The following STXBP6 variants were observed in gnomAD, a reference collection of about 807,000 sequenced individuals.
The protein encoded by STXBP6 is syntaxin binding protein 6.
In STXBP6, 21 loss-of-function variants were observed where a neutral mutation model predicts 26.9. The observed-to-expected ratio is 0.78, with a 90% CI of 0.55 to 1.12. The LOEUF (loss-of-function observed/expected upper bound fraction) is 1.12, where lower values mean the gene tolerates loss of function less well. Ranked by LOEUF, STXBP6 falls within the 50% of genes most tolerant of loss-of-function variation. The probability of loss-of-function intolerance (pLI) is 0.00; values close to 1 mark genes in which losing one functional copy is unlikely to be tolerated. For synonymous variants in STXBP6, 97 were observed against 92.6 expected (o/e 1.05, Z -0.27); for missense variants, 232 against 257.9 (o/e 0.90, Z 0.69).
At chr14:24,900,124 T>C (rs998153537) in intron 2 of STXBP6, among the ~76,000 whole-genome samples, 1 of 152,228 alleles carries the variant, frequency 6.6e-6, no homozygotes, top group African/African-American at 2.4e-5. Flanking sequence ...CTTAATTTTG[T>C]TCCTAATATT....
intron 4 of STXBP6, among the ~76,000 whole-genome samples, chr14:24,839,316 T>A (rs1332194384): frequency 6.6e-6 from 1 of 152,182 alleles, no homozygotes; most frequent in East Asian, 1.9e-4. Context: ...GGGTTGTAAC[T>A]AGTAAGTTAT....
intron 4 of STXBP6, among the ~76,000 whole-genome samples, chr14:24,826,740 C>G (rs1189806682): frequency 6.6e-6 from 1 of 152,182 alleles, no homozygotes; most frequent in Non-Finnish European, 1.5e-5. Context: ...CCCCCCGACC[C>G]CTGTCACTTT....
chr14:24,918,661 A>G (rs888619973), intron 2 of STXBP6, among the ~76,000 whole-genome samples: 1 of 152,034 alleles, frequency 6.6e-6, no homozygotes, highest in Non-Finnish European at 1.5e-5. Flanking sequence ...TTAAACACAG[A>G]GACTTAATTA....
At chr14:24,886,136 C>A (rs933028893) in intron 2 of STXBP6, among the ~76,000 whole-genome samples, 1 of 152,068 alleles carries the variant, frequency 6.6e-6, no homozygotes, top group Non-Finnish European at 1.5e-5. Context: ...ATATGACCTG[C>A]GAAACTTCTA....
At chr14:24,858,669 C>T (rs1186462642) in intron 2 of STXBP6, among the ~76,000 whole-genome samples, 1 of 152,100 alleles carries the variant, frequency 6.6e-6, no homozygotes, top group Non-Finnish European at 1.5e-5. Context: ...GCCCAGGACT[C>T]TGTCTATCCA....
At chr14:24,913,594 A>G (rs1392322134) in intron 2 of STXBP6, among the ~76,000 whole-genome samples, 2 of 152,348 alleles carry the variant, frequency 1.3e-5, no homozygotes, top group Middle Eastern at 3.4e-3. Flanking sequence ...ACCCCAGCTC[A>G]GATGTATGCT....
rs1245181983 is a variant in STXBP6 at position 25,050,003 on chromosome 14, T to C, written c.-158A>G. On this transcript the variant is annotated 5_prime_UTR_variant, in exon 1 of 6. Transcript: ENST00000323944. ...CCGGACAAGGCTTAGCCGGCCCGGG[T>C]GCTGGCTCGCCGCCGCTCGCGGCTC... The C allele has an allele frequency of 6.4e-6, 3 of 472,246 alleles. No homozygotes were observed. The highest frequency in any genetic ancestry group is 6.3e-5 in the African/African-American group (3 of 47,356). 29.3% of individuals were successfully genotyped at this position (472,246 alleles called of 1,614,324 possible). A position where few individuals can be genotyped will look rare whatever the true frequency, so the allele number is the denominator to read the frequency against.
chr14:24,907,250 C>T (rs74040708), intron 2 of STXBP6, among the ~76,000 whole-genome samples: 2,297 of 152,200 alleles, frequency 0.015, 48 homozygotes, highest in African/African-American at 0.045. Flanking sequence ...ATATTGTACA[C>T]AGGCATCAAT....
At position 24,830,703 on chromosome 14, in the gene STXBP6, G is replaced by A. The variant is rs530272534; in HGVS notation, c.452-11509C>T. ...TAAGAAGCTCTGCGGAGAAGTCTGG[G>A]GATGGAGATAAAATTTCTAAGTCAT... On this transcript the variant is annotated intron_variant, in intron 4 of 5. Transcript: ENST00000323944. Among the ~76,000 whole-genome samples the A allele has an allele frequency of 2.0e-5, 3 of 152,094 alleles. No homozygotes were observed. In the South Asian group the frequency reaches 6.2e-4, roughly 32 times the overall value.
intron 1 of STXBP6, among the ~76,000 whole-genome samples, chr14:25,001,274 T>G (rs1278201571): frequency 2.6e-5 from 4 of 152,202 alleles, no homozygotes; most frequent in Non-Finnish European, 5.9e-5. Context: ...CACCATCTAA[T>G]GCATAAGACT....
chr14:25,024,321 A>AC (rs1270972918), intron 1 of STXBP6, among the ~76,000 whole-genome samples: 1 of 152,078 alleles, frequency 6.6e-6, no homozygotes, highest in Non-Finnish European at 1.5e-5. Flanking sequence ...AAAAAAAAAA[A>AC]ATTTTGTTTT....
rs184841986 is a variant in STXBP6, at chr14:24,810,095, A to G, written c.*2614T>C. 2 of 152,370 alleles carry G rather than the reference A, an allele frequency of 1.3e-5. No individual in the cohort carries two copies. Among genetic ancestry groups the G allele is most frequent in the Admixed American group, 1.3e-4 (2 of 15,302 alleles). 9.4% of individuals were successfully genotyped at this position (152,370 alleles called of 1,614,324 possible). ...CAGGTATCTAATAATACTAGTGAGAAATACTACAGCTATATTCCAGGAAGA... is the reference window on the plus strand; with the variant it reads ...CAGGTATCTAATAATACTAGTGAGAGATACTACAGCTATATTCCAGGAAGA... On this transcript the variant is annotated 3_prime_UTR_variant, in exon 6 of 6. Coordinates refer to ENST00000323944, the MANE Select transcript of STXBP6 (RefSeq NM_001394410.1).
intron 4 of STXBP6, among the ~76,000 whole-genome samples, chr14:24,820,030 G>A (rs1035263463): frequency 3.3e-5 from 5 of 152,154 alleles, no homozygotes; most frequent in South Asian, 2.1e-4. Context: ...CCCATTTGCC[G>A]GGACTGGGCA....
intron 3 of STXBP6, 57 bp from the exon 4 acceptor site, chr14:24,856,158 G>T: frequency 1.4e-6 from 2 of 1,478,566 alleles, no homozygotes. Flanking sequence ...GCTGTTTCTA[G>T]ATTACTCCTG....
chr14:24,848,534 C>T (rs189758030), intron 4 of STXBP6, among the ~76,000 whole-genome samples: 7 of 152,184 alleles, frequency 4.6e-5, no homozygotes, highest in East Asian at 1.9e-4. Flanking sequence ...AGTACCTTTA[C>T]GTAAGTCTTG....
In STXBP6 at chr14:24,856,244, A is replaced by G. The variant is rs1366238322; in HGVS notation, c.286-143T>C. 2.9e-5 allele frequency: 23 copies of G among 797,034 alleles called. No homozygotes were observed. The East Asian group carries it at 6.5e-4, about 23-fold the overall frequency. The allele number at this position is 797,034 out of a possible 1,614,324, so 49.4% of individuals were successfully genotyped here. A position where few individuals can be genotyped will look rare whatever the true frequency, so the allele number is the denominator to read the frequency against. On this transcript the variant is annotated intron_variant, in intron 3 of 5. Transcript: ENST00000323944. Reference sequence around the variant, plus strand: ...CTCATCTTTATCCAAGTGTATGGAGAGTCTACATTTCTCTGTTTATGAAGC... The same window carrying G: ...CTCATCTTTATCCAAGTGTATGGAGGGTCTACATTTCTCTGTTTATGAAGC...
chr14:25,047,090 G>A (rs1394719081), intron 1 of STXBP6, among the ~76,000 whole-genome samples: 1 of 152,146 alleles, frequency 6.6e-6, no homozygotes, highest in Non-Finnish European at 1.5e-5. Context: ...TTCCCTAGGT[G>A]ATCTATTCTG....
intron 4 of STXBP6, among the ~76,000 whole-genome samples, chr14:24,836,606 C>CAAA (rs71449215): frequency 0.074 from 3,189 of 43,316 alleles, 270 homozygotes; most frequent in African/African-American, 0.12. Flanking sequence ...GACTCCCTCT[C>CAAA]AAAAAAAAAA....
intron 2 of STXBP6, chr14:24,878,613 CTTAT>C (rs981254591): frequency 2.8e-5 from 5 of 179,886 alleles, no homozygotes; most frequent in East Asian, 1.4e-4. Context: ...ATAACCTTTT[CTTAT>C]TTATTTATTT....
Sources: gnomAD v4.1 joint callset for allele counts (sites outside exome capture counted in the v4.1 genomes callset) on GRCh38, gnomAD v4.1.1 for gene constraint, MANE v1.5 for transcripts, NCBI Gene and HGNC (gene_info 2026-07-23, HGNC 2026-07-21) for gene names.